Variants in ENKUR observed in about 807,000 individuals in gnomAD.
The protein encoded by ENKUR is enkurin.
Under a neutral mutation model 27.6 loss-of-function variants are expected in ENKUR, and 19 were observed. The ratio of observed to expected loss-of-function variants is 0.69; its 90% CI spans 0.48 to 1.01. The LOEUF (loss-of-function observed/expected upper bound fraction) is 1.01, where lower values mean the gene tolerates loss of function less well. ENKUR is among the 50% of genes least tolerant of loss of function. The probability of loss-of-function intolerance (pLI) is 0.00; values close to 1 mark genes in which losing one functional copy is unlikely to be tolerated. For synonymous variants in ENKUR, 117 were observed against 96.9 expected (o/e 1.21, Z -1.22); for missense variants, 312 against 310.5 (o/e 1.00, Z -0.04).
chr10:25,016,654 G>A (rs1387104544), upstream of ENKUR: 1 of 152,508 alleles, frequency 6.6e-6, no homozygotes, highest in Non-Finnish European at 1.5e-5. Flanking sequence ...CAGGCGCAGA[G>A]TCCACTGCGC....
intron 2 of ENKUR, chr10:25,024,292 CT>C: frequency 6.2e-7 from 1 of 1,614,188 alleles, no homozygotes. Flanking sequence ...GTCTTTACAG[CT>C]TATGCCTCAT....
At chr10:25,054,207 G>A (rs1458268230) in intron 2 of ENKUR, among the ~76,000 whole-genome samples, 2 of 152,168 alleles carry the variant, frequency 1.3e-5, no homozygotes, top group African/African-American at 4.8e-5. Flanking sequence ...GATCACTTGA[G>A]GTCAGGAGTT....
chr10:25,021,110 A>T (rs1304324899), upstream of ENKUR, among the ~76,000 whole-genome samples: 1 of 152,206 alleles, frequency 6.6e-6, no homozygotes, highest in Admixed American at 6.5e-5. Flanking sequence ...AAACCAAACC[A>T]TAAAAAAAAT....
chr10:24,988,531 T>G (rs1849842358), intron 4 of ENKUR, among the ~76,000 whole-genome samples: 1 of 147,316 alleles, frequency 6.8e-6, no homozygotes, highest in Middle Eastern at 3.3e-3. Context: ...GAACTACGGA[T>G]CTATGTACAT....
chr10:24,997,807 TTA>T lies in ENKUR; in HGVS notation c.223+1592_223+1593del, dbSNP rs58973955. Among the ~76,000 whole-genome samples, 128 of 144,720 alleles carry T rather than the reference TTA, an allele frequency of 8.8e-4. 2 individuals carry two copies. Among genetic ancestry groups the T allele is most frequent in the African/African-American group, 2.1e-3 (81 of 38,116 alleles). 94.9% of individuals were successfully genotyped at this position (144,720 alleles called of 152,430 possible). A position where few individuals can be genotyped will look rare whatever the true frequency, so the allele number is the denominator to read the frequency against. On this transcript the variant is annotated intron_variant, in intron 2 of 5. Transcript: ENST00000331161. ...TTTTTTCTTATTTGACACAAAGGAT[TTA>T]TATATATATATATATATGTTTGTGT...
At chr10:25,005,943 T>C (rs1036635151) in intron 1 of ENKUR, among the ~76,000 whole-genome samples, 4 of 152,248 alleles carry the variant, frequency 2.6e-5, no homozygotes, top group Non-Finnish European at 5.9e-5. Context: ...CATGTGGATA[T>C]TGAGCACTTG....
Position 25,023,242 on chromosome 10 carries a change from T to C in ENKUR, c.38-27373A>G, listed in dbSNP as rs1422059910. 9 of 1,612,256 alleles carry C rather than the reference T, an allele frequency of 5.6e-6. No homozygotes were observed. Among genetic ancestry groups the C allele is most frequent in the Non-Finnish European group, 7.6e-6 (9 of 1,178,798 alleles). Reference sequence around the variant, plus strand: ...AAAGAGAATGCTCCACTTTAACCGATGTCATCATCTGAAAAAGATAACACA... The same window carrying C: ...AAAGAGAATGCTCCACTTTAACCGACGTCATCATCTGAAAAAGATAACACA... On this transcript the variant is annotated intron_variant, in intron 2 of 5. Transcript: ENST00000615958.
intron 1 of ENKUR, among the ~76,000 whole-genome samples, chr10:25,010,657 A>T (rs1295211326): frequency 1.4e-5 from 2 of 141,836 alleles, no homozygotes; most frequent in Admixed American, 7.5e-5. Context: ...ATGTGTTCTC[A>T]TTGTTCAATT....
At chr10:25,013,840 G>A (rs1850505283) in intron 1 of ENKUR, among the ~76,000 whole-genome samples, 1 of 152,080 alleles carries the variant, frequency 6.6e-6, no homozygotes, top group Non-Finnish European at 1.5e-5. Flanking sequence ...TACTCGGGAG[G>A]CTGAGGCAGG....
chr10:25,010,162 TAA>T (rs1850408253), intron 1 of ENKUR, among the ~76,000 whole-genome samples: 2 of 152,230 alleles, frequency 1.3e-5, no homozygotes, highest in African/African-American at 4.8e-5. Context: ...TTGATAGCAA[TAA>T]AGACAATAAA....
chr10:25,038,076 C>CATA (rs1277479923), intron 2 of ENKUR, among the ~76,000 whole-genome samples: 1 of 152,156 alleles, frequency 6.6e-6, no homozygotes, highest in African/African-American at 2.4e-5. Flanking sequence ...TTCTAAATTA[C>CATA]ATACTATAAT....
chr10:25,059,725 G>T (rs1233776058), intron 2 of ENKUR, among the ~76,000 whole-genome samples: 1 of 152,140 alleles, frequency 6.6e-6, no homozygotes. Flanking sequence ...GGAGGCCAAG[G>T]TGAGAAAATT....
rs747725913 is a variant in ENKUR at position 25,027,929 on chromosome 10, T to C, written c.38-32060A>G. Among the ~76,000 whole-genome samples the C allele has an allele frequency of 3.0e-4, 46 of 152,284 alleles. 2 individuals are homozygous for C. The highest frequency in any genetic ancestry group is 2.1e-4 in the Non-Finnish European group (14 of 68,016). ...ACGAGACAACGCAAAAATTCAGTCG[T>C]ACAAGCAAAAGAGTTATTGCAAGAT... On this transcript the variant is annotated intron_variant, in intron 2 of 5. Coordinates refer to the ENKUR transcript ENST00000615958.
At chr10:25,055,871 G>A (rs147144021) in intron 2 of ENKUR, among the ~76,000 whole-genome samples, 2 of 152,308 alleles carry the variant, frequency 1.3e-5, no homozygotes, top group African/African-American at 4.8e-5. Context: ...AGCAACTGAT[G>A]CAACTCCAGC....
At chr10:25,019,568 T>C (rs1355263440), upstream of ENKUR, among the ~76,000 whole-genome samples, 2 of 152,238 alleles carry the variant, frequency 1.3e-5, no homozygotes, top group Non-Finnish European at 2.9e-5. Context: ...GCATTTGCAT[T>C]GTATTATGTA....
intron 2 of ENKUR, chr10:25,025,463 CAG>C: frequency 6.3e-7 from 1 of 1,586,218 alleles, no homozygotes; most frequent in Non-Finnish European, 8.6e-7. Context: ...TGAAAGCTTT[CAG>C]AGTAAATTTT....
chr10:25,017,584 T>TA (rs146308838), upstream of ENKUR, among the ~76,000 whole-genome samples: 4,190 of 152,148 alleles, frequency 0.028, 131 homozygotes, highest in African/African-American at 0.074. Context: ...TTTGGGCTCT[T>TA]ACTGAATTTC....
intron 2 of ENKUR, among the ~76,000 whole-genome samples, chr10:25,042,680 A>C (rs1009915708): frequency 6.6e-6 from 1 of 152,018 alleles, no homozygotes; most frequent in Non-Finnish European, 1.5e-5. Flanking sequence ...AATGACCTGA[A>C]AACTATACAA....
At chr10:25,012,686 T>C (rs1361903499) in intron 1 of ENKUR, among the ~76,000 whole-genome samples, 2 of 152,202 alleles carry the variant, frequency 1.3e-5, no homozygotes, top group South Asian at 2.1e-4. Flanking sequence ...TGGACCCCCA[T>C]TGTATCTGGG....
Sources: gnomAD v4.1 joint callset for allele counts (sites outside exome capture counted in the v4.1 genomes callset) on GRCh38, gnomAD v4.1.1 for gene constraint, MANE v1.5 for transcripts, NCBI Gene and HGNC (gene_info 2026-07-23, HGNC 2026-07-21) for gene names.